The following AHRR variants were observed in gnomAD, a reference collection of about 807,000 sequenced individuals.
AHRR encodes ahR repressor.
AHRR carries 28 observed loss-of-function variants against 44.0 expected under a neutral mutation model. The ratio of observed to expected loss-of-function variants is 0.64; its 90% CI spans 0.47 to 0.87. The LOEUF (loss-of-function observed/expected upper bound fraction) is 0.87, where lower values mean the gene tolerates loss of function less well. AHRR is among the 40% of genes least tolerant of loss of function. AHRR has a pLI of 0.00. For synonymous variants in AHRR, 434 were observed against 407.0 expected (o/e 1.07, Z -0.80); for missense variants, 990 against 953.9 (o/e 1.04, Z -0.50).
intron 3 of AHRR, among the ~76,000 whole-genome samples, chr5:373,308 C>G (rs1579635512): frequency 6.6e-6 from 1 of 152,228 alleles, no homozygotes; most frequent in Non-Finnish European, 1.5e-5. Context: ...TCTCATTGCC[C>G]GAGGGGTGGG....
intron 2 of AHRR, among the ~76,000 whole-genome samples, chr5:344,286 C>A (rs2126364779): frequency 6.6e-6 from 1 of 151,058 alleles, no homozygotes; most frequent in Non-Finnish European, 1.5e-5. Flanking sequence ...GGGGCCACGG[C>A]AGCTTCCCAG....
rs1742190024 is a variant in AHRR, at chr5:337,681, AGAG to A, written c.-10-6208_-10-6206del. Among the ~76,000 whole-genome samples, 2 of 152,192 alleles carry A rather than the reference AGAG, an allele frequency of 1.3e-5. No homozygotes were observed. Among genetic ancestry groups the A allele is most frequent in the East Asian group, 1.9e-4 (1 of 5,178 alleles). On this transcript the variant is annotated intron_variant, in intron 1 of 10. Coordinates refer to ENST00000684583, the MANE Select transcript of AHRR (RefSeq NM_001377236.1). The surrounding 1 kb of genome is among the most constrained non-coding windows in gnomAD (Gnocchi z 4.1). ...CAACAGTGATGCAGCTATGGAGGGG[AGAG>A]GAGAACTCTGGATGGTGCTCCGGGG...
At chr5:365,870 TCA>T (rs1743343792) in intron 3 of AHRR, among the ~76,000 whole-genome samples, 2 of 152,202 alleles carry the variant, frequency 1.3e-5, no homozygotes, top group African/African-American at 4.8e-5. Flanking sequence ...TTTAACATCT[TCA>T]CACAGAGAAA....
chr5:323,174 A>G (rs913847395), intron 1 of AHRR, among the ~76,000 whole-genome samples: 2 of 152,214 alleles, frequency 1.3e-5, no homozygotes, highest in Non-Finnish European at 2.9e-5. Context: ...CCTATGAGGC[A>G]GCTTCGACCT....
At chr5:376,557 A>AACGCGGGGAAACACAGGAAAGATGTGCAT in intron 3 of AHRR, 53 bp from the exon 4 acceptor site, 1 of 1,423,182 alleles carries the variant, frequency 7.0e-7, no homozygotes, top group Non-Finnish European at 9.5e-7. Context: ...AATGAAGAAG[A>AACGCGGGGAAACACAGGAAAGATGTGCAT]GTGGCCAGGC....
chr5:346,231 T>C (rs1377179277), intron 2 of AHRR, among the ~76,000 whole-genome samples: 1 of 152,200 alleles, frequency 6.6e-6, no homozygotes. Flanking sequence ...TTCTAGTTTA[T>C]TCGTAAAATG....
chr5:432,744 C>T (rs1164803316), intron 9 of AHRR, 62 bp from the exon 10 acceptor site: 8 of 1,612,852 alleles, frequency 5.0e-6, no homozygotes, highest in East Asian at 2.2e-5. Context: ...AACAAGCAAC[C>T]GTCTTCCAGG....
chr5:431,131 C>T (rs540524478), intron 8 of AHRR, among the ~76,000 whole-genome samples: 77 of 152,326 alleles, frequency 5.1e-4, no homozygotes, highest in African/African-American at 1.7e-3. Context: ...ACGCAGCCCC[C>T]TGGTGTCAGA....
chr5:436,125 CG>C lies in AHRR; in HGVS notation c.*1293del, dbSNP rs1737028290. ...GGCCCCATCCTCAGGGAGAGGGCAT[CG>C]GCGCCCTGACGTCAGCTCCACTGGG... On this transcript the variant is annotated 3_prime_UTR_variant, in exon 11 of 11. Transcript: ENST00000684583. The C allele has an allele frequency of 9.6e-6, 1 of 104,600 alleles. No homozygotes were observed. Among genetic ancestry groups the C allele is most frequent in the African/African-American group, 5.1e-5 (1 of 19,508 alleles). 6.5% of individuals were successfully genotyped at this position (104,600 alleles called of 1,614,324 possible). A position where few individuals can be genotyped will look rare whatever the true frequency, so the allele number is the denominator to read the frequency against.
At position 438,268 on chromosome 5, in the gene AHRR, G is replaced by A. The variant is rs936855387; in HGVS notation, c.*3434G>A. 2.6e-5 allele frequency: 4 copies of A among 152,346 alleles called. No homozygotes were observed. Among genetic ancestry groups the A allele is most frequent in the African/African-American group, 9.6e-5 (4 of 41,456 alleles). 9.4% of individuals were successfully genotyped at this position (152,346 alleles called of 1,614,324 possible). ...TTGATGTAAAATACATGACATGCTA[G>A]TACATGTTTAACAAAAATTTAAATG... On this transcript the variant is annotated 3_prime_UTR_variant, in exon 11 of 11. Coordinates refer to ENST00000684583, the MANE Select transcript of AHRR (RefSeq NM_001377236.1).
At chr5:423,699 G>GA (rs1736238614) in intron 6 of AHRR, 142 bp from the exon 7 acceptor site, 15 of 1,179,394 alleles carry the variant, frequency 1.3e-5, no homozygotes, top group Non-Finnish European at 1.6e-5. Context: ...GTGACATCTA[G>GA]AGGGATGCTG....
At chr5:414,130 G>A (rs1579686408) in intron 5 of AHRR, among the ~76,000 whole-genome samples, 1 of 152,290 alleles carries the variant, frequency 6.6e-6, no homozygotes, top group African/African-American at 2.4e-5. Context: ...GGGTGTGGTG[G>A]CGTGCACCCG....
chr5:356,408 C>G (rs1404432629), intron 3 of AHRR, among the ~76,000 whole-genome samples: 1 of 152,242 alleles, frequency 6.6e-6, no homozygotes, highest in African/African-American at 2.4e-5. Context: ...GGCCACCCTC[C>G]CAGAACTCCT....
In AHRR at chr5:404,385, A is replaced by T. The variant is rs1403198699; in HGVS notation, c.352-8959A>T. 1 of 529,852 alleles carries T rather than the reference A, an allele frequency of 1.9e-6. No homozygotes were observed. The highest frequency in any genetic ancestry group is 2.1e-5 in the Admixed American group (1 of 47,990). The allele number at this position is 529,852 out of a possible 1,614,324, so 32.8% of individuals were successfully genotyped here. A position where few individuals can be genotyped will look rare whatever the true frequency, so the allele number is the denominator to read the frequency against. ...ATTCTGGGTGTCTTCAGTGGTCCTA[A>T]AGCCTTTTGCATGATTTAGGAAGGA... On this transcript the variant is annotated intron_variant, in intron 4 of 10. Coordinates refer to ENST00000684583, the MANE Select transcript of AHRR (RefSeq NM_001377236.1). This position sits in a 1 kb window ranked among gnomAD's most constrained non-coding sequence, Gnocchi z 4.1.
At chr5:344,308 G>A (rs1260722641) in intron 2 of AHRR, among the ~76,000 whole-genome samples, 2 of 151,036 alleles carry the variant, frequency 1.3e-5, no homozygotes, top group East Asian at 2.1e-4. Flanking sequence ...CTCCGCAGGC[G>A]AGACCGCCAC....
At chr5:421,319 G>T in intron 5 of AHRR, 2 of 696,542 alleles carry the variant, frequency 2.9e-6, no homozygotes, top group Non-Finnish European at 5.2e-6. Flanking sequence ...CCACGGTCGC[G>T]ATGCGGGGCA....
At chr5:373,637 G>T (rs1259949628) in intron 3 of AHRR, among the ~76,000 whole-genome samples, 1 of 152,058 alleles carries the variant, frequency 6.6e-6, no homozygotes, top group East Asian at 1.9e-4. Context: ...GGAGACTGGG[G>T]CTGGAGAGGT....
intron 7 of AHRR, among the ~76,000 whole-genome samples, chr5:425,995 G>A (rs924760164): frequency 3.9e-5 from 6 of 152,112 alleles, no homozygotes; most frequent in South Asian, 2.1e-4. Context: ...TTTGAGATTC[G>A]GCTGAAATTA....
In AHRR at chr5:343,813, G is replaced by A. The variant is rs1262243456; in HGVS notation, c.-10-80G>A. On this transcript the variant is annotated intron_variant, in intron 1 of 10. Coordinates refer to ENST00000684583, the MANE Select transcript of AHRR (RefSeq NM_001377236.1). ...GCGGGTGTGGGGGCGCCAGGACCGC[G>A]CTGAGGGGCCCGGGGCATCGCGGCG... 8 of 1,464,788 alleles carry A rather than the reference G, an allele frequency of 5.5e-6. No individual in the cohort carries two copies. In the African/African-American group the frequency reaches 8.7e-5, roughly 16 times the overall value. The allele number at this position is 1,464,788 out of a possible 1,614,324, so 90.7% of individuals were successfully genotyped here.
Sources: gnomAD v4.1 joint callset for allele counts (sites outside exome capture counted in the v4.1 genomes callset) on GRCh38, gnomAD v4.1.1 for gene constraint, Gnocchi (gnomAD v3.1) non-coding constraint, MANE v1.5 for transcripts, NCBI Gene and HGNC (gene_info 2026-07-23, HGNC 2026-07-21) for gene names.